Variants in ASTN2 observed in about 807,000 individuals in gnomAD.
ASTN2 encodes the protein astrotactin 2, also known as astrotactin-2.
In ASTN2, 54 loss-of-function variants were observed where a neutral mutation model predicts 139.8. That is an observed-to-expected ratio of 0.39 (90% confidence interval 0.31 to 0.48). The LOEUF (loss-of-function observed/expected upper bound fraction) is 0.48. Ranked by LOEUF, ASTN2 falls within the 20% of genes least tolerant of loss-of-function variation. The pLI, the probability that ASTN2 is intolerant of heterozygous loss-of-function variation, is 0.95. For synonymous variants in ASTN2, 756 were observed against 719.5 expected, an observed-to-expected ratio of 1.05 and a Z score of -0.81; for missense variants, 1,565 against 1,725.1, an observed-to-expected ratio of 0.91 and a Z score of 1.64.
chr9:116,643,762 T>C (rs537587851), intron 17 of ASTN2, among the ~76,000 whole-genome samples: 9 of 152,254 alleles, frequency 5.9e-5, no homozygotes, highest in South Asian at 2.1e-4. Flanking sequence ...AGTTCTACTA[T>C]GTGCCCATAT....
At chr9:117,044,952 A>C (rs1564399147) in intron 5 of ASTN2, among the ~76,000 whole-genome samples, 1 of 152,166 alleles carries the variant, frequency 6.6e-6, no homozygotes. Flanking sequence ...TGTAAGGATC[A>C]CCCAATTTTG....
At chr9:116,548,294 G>A (rs562634435) in intron 19 of ASTN2, among the ~76,000 whole-genome samples, 3 of 152,234 alleles carry the variant, frequency 2.0e-5, no homozygotes, top group South Asian at 2.1e-4. Context: ...AGAGATGGCA[G>A]GAGGCTTGGT....
chr9:116,581,073 C>A (rs1853930528), intron 19 of ASTN2, among the ~76,000 whole-genome samples: 2 of 152,096 alleles, frequency 1.3e-5, no homozygotes, highest in Admixed American at 1.3e-4. Flanking sequence ...AGAAATGAGC[C>A]TTAGTGTTCT....
intron 1 of ASTN2, among the ~76,000 whole-genome samples, chr9:117,304,371 C>T (rs1237152762): frequency 2.0e-5 from 3 of 152,286 alleles, no homozygotes; most frequent in East Asian, 3.9e-4. Flanking sequence ...TTCACCTACC[C>T]TCTCCTCCCC....
chr9:116,623,289 G>C (rs1277985836), intron 17 of ASTN2, among the ~76,000 whole-genome samples: 1 of 151,714 alleles, frequency 6.6e-6, no homozygotes, highest in Non-Finnish European at 1.5e-5. Flanking sequence ...CACCATCCAG[G>C]CAGTTCTTGG....
intron 19 of ASTN2, among the ~76,000 whole-genome samples, chr9:116,526,618 T>C (rs1335880316): frequency 1.0e-5 from 1 of 98,994 alleles, no homozygotes; most frequent in Non-Finnish European, 2.0e-5. Flanking sequence ...AAAGAACTTG[T>C]CTCAAAAAAA....
At chr9:116,529,441 T>C (rs567574491) in intron 19 of ASTN2, among the ~76,000 whole-genome samples, 1 of 152,274 alleles carries the variant, frequency 6.6e-6, no homozygotes, top group East Asian at 1.9e-4. Flanking sequence ...GTAACTAACT[T>C]GCTTTTGATT....
At chr9:117,378,509 C>G (rs1257717123) in intron 1 of ASTN2, among the ~76,000 whole-genome samples, 1 of 152,158 alleles carries the variant, frequency 6.6e-6, no homozygotes, top group Non-Finnish European at 1.5e-5. Flanking sequence ...AAGAAAACAC[C>G]ATTCTCAGGG....
intron 1 of ASTN2, among the ~76,000 whole-genome samples, chr9:117,327,469 GT>G (rs1038250374): frequency 4.3e-4 from 66 of 152,286 alleles, no homozygotes; most frequent in African/African-American, 1.5e-3. Flanking sequence ...TAGGGTTTAT[GT>G]TCAAGGAGGT....
chr9:117,031,959 A>G (rs962541106), intron 6 of ASTN2, among the ~76,000 whole-genome samples: 22 of 152,212 alleles, frequency 1.4e-4, no homozygotes, highest in Admixed American at 9.2e-4. Flanking sequence ...TGATATTTTC[A>G]TTGTAAAAGA....
At chr9:117,341,050 T>TCAAA (rs1200018980) in intron 1 of ASTN2, among the ~76,000 whole-genome samples, 1 of 152,176 alleles carries the variant, frequency 6.6e-6, no homozygotes, top group African/African-American at 2.4e-5. Context: ...GATTACAAGG[T>TCAAA]CAAAGTGAAG....
At chr9:117,327,247 T>C (rs1442850264) in intron 1 of ASTN2, among the ~76,000 whole-genome samples, 1 of 152,158 alleles carries the variant, frequency 6.6e-6, no homozygotes, top group Non-Finnish European at 1.5e-5. Flanking sequence ...GGCCATGGAC[T>C]GGTACTGGTC....
chr9:116,579,994 G>T (rs1260540365), intron 19 of ASTN2, among the ~76,000 whole-genome samples: 4 of 152,122 alleles, frequency 2.6e-5, no homozygotes, highest in African/African-American at 9.7e-5. Flanking sequence ...GCTAACTTTT[G>T]TATTTTTAGT....
In ASTN2 at chr9:117,414,729, C is replaced by A; in HGVS notation, c.210G>T (p.Val70=). The A allele has an allele frequency of 1.6e-6, 2 of 1,277,958 alleles. No homozygotes were observed. The highest frequency in any genetic ancestry group is 2.0e-6 in the Non-Finnish European group (2 of 1,011,586). 79.2% of individuals were successfully genotyped at this position (1,277,958 alleles called of 1,614,324 possible). A position where few individuals can be genotyped will look rare whatever the true frequency, so the allele number is the denominator to read the frequency against. ...TCTCCCGCAGGGCGGGCAGTGTGGA[C>A]ACCGTGACGGTCTTCAGCCGGCACG... ...DSPCRLKTVT[V]STLPALRESD... The change falls in exon 1 of 23, where the codon GTG becomes GTT. Residue 70 remains valine (V), a synonymous_variant. Transcript: ENST00000313400. This position sits in a 1 kb window ranked among gnomAD's most constrained non-coding sequence, Gnocchi z 4.2.
At chr9:117,158,093 T>TA (rs1392115116) in intron 3 of ASTN2, among the ~76,000 whole-genome samples, 10 of 152,040 alleles carry the variant, frequency 6.6e-5, no homozygotes, top group Admixed American at 4.6e-4. Context: ...TTATACAAAA[T>TA]AAAAAAATAG....
intron 18 of ASTN2, among the ~76,000 whole-genome samples, chr9:116,619,385 CTTG>C (rs1005834621): frequency 2.6e-5 from 4 of 152,226 alleles, no homozygotes; most frequent in Admixed American, 2.6e-4. Context: ...AGTCTCACCA[CTTG>C]TTGCCTGGCT....
At chr9:117,087,203 T>G (rs1265091043) in intron 5 of ASTN2, among the ~76,000 whole-genome samples, 2 of 148,394 alleles carry the variant, frequency 1.3e-5, no homozygotes, top group Non-Finnish European at 3.0e-5. Context: ...TTCTTTTCCT[T>G]TTTCATTTTT....
intron 1 of ASTN2, among the ~76,000 whole-genome samples, chr9:117,345,245 T>C (rs1829179865): frequency 6.6e-6 from 1 of 152,120 alleles, no homozygotes; most frequent in African/African-American, 2.4e-5. Flanking sequence ...TCAACCAGTA[T>C]ATATTGAGTA....
chr9:116,890,251 C>T (rs1370951517), intron 10 of ASTN2, among the ~76,000 whole-genome samples: 1 of 152,184 alleles, frequency 6.6e-6, no homozygotes, highest in Admixed American at 6.5e-5. Context: ...CTTGGGTTGA[C>T]TGACAAGTTC....
Sources: gnomAD v4.1 joint callset for allele counts (sites outside exome capture counted in the v4.1 genomes callset) on GRCh38, gnomAD v4.1.1 for gene constraint, Gnocchi (gnomAD v3.1) non-coding constraint, MANE v1.5 for transcripts, NCBI Gene and HGNC (gene_info 2026-07-23, HGNC 2026-07-21) for gene names.